ZNF76: variants seen among roughly 807,000 people sequenced by gnomAD.
ZNF76 encodes zinc finger protein 76.
In ZNF76, 66 loss-of-function variants were observed where a neutral mutation model predicts 66.9. The observed-to-expected ratio is 0.99, with a 90% CI of 0.81 to 1.21. The LOEUF (loss-of-function observed/expected upper bound fraction) is 1.21, where lower values mean the gene tolerates loss of function less well. Among genes scored for constraint, ZNF76 ranks in the 50% most tolerant of loss-of-function variants. ZNF76 has a pLI of 0.00. For missense variants in ZNF76, 729 were observed against 760.3 expected, an observed-to-expected ratio of 0.96 and a Z score of 0.48; for synonymous variants, 275 against 296.1, an observed-to-expected ratio of 0.93 and a Z score of 0.73.
Position 35,266,824 on chromosome 6 carries a change from C to T in ZNF76, c.-97+6983C>T, listed in dbSNP as rs1393188980. Among the ~76,000 whole-genome samples the T allele has an allele frequency of 2.4e-4, 19 of 79,838 alleles. No individual in the cohort carries two copies. In the East Asian group the frequency reaches 4.7e-3, roughly 20 times the overall value. 52.4% of individuals were successfully genotyped at this position (79,838 alleles called of 152,430 possible). A position where few individuals can be genotyped will look rare whatever the true frequency, so the allele number is the denominator to read the frequency against. On this transcript the variant is annotated intron_variant, in intron 1 of 13. Transcript: ENST00000373953. ...TTTTTTTTTTTTTTTTTTTTTGAGA[C>T]GGAGTCTCGCTCGTCACCCAGGCTG...
chr6:35,284,836 G>A (rs1186332290), intron 2 of ZNF76, among the ~76,000 whole-genome samples: 2 of 151,944 alleles, frequency 1.3e-5, no homozygotes, highest in East Asian at 1.9e-4. Flanking sequence ...TCAGCCTCCC[G>A]AGTAACTGGG....
In ZNF76 at chr6:35,292,765, CTA is replaced by C. The variant is rs771529226; in HGVS notation, c.1145_1146del (p.Tyr382Ter). On this transcript the variant is annotated frameshift_variant, in exon 10 of 14. Coordinates refer to ENST00000373953, the MANE Select transcript of ZNF76 (RefSeq NM_003427.5). LOFTEE classifies it high-confidence loss of function. This position sits in a 1 kb window ranked among gnomAD's most constrained non-coding sequence, Gnocchi z 4.7. The stretch of plus-strand genomic sequence containing the variant: ...CCACGGAGGAGAGCGAGCAGGCCCT[CTA>C]TGAGCAGCAGCAACTTGAGGGTAAG... ...EATEESEQAL[Y>X]EQQQLEAASA... 1.9e-6 allele frequency: 3 copies of C among 1,614,032 alleles called. No individual in the cohort carries two copies. Among genetic ancestry groups the C allele is most frequent in the Non-Finnish European group, 2.5e-6 (3 of 1,179,966 alleles).
chr6:35,290,527 C>T (rs1034520893), intron 6 of ZNF76, 114 bp from the exon 7 acceptor site: 12 of 1,511,510 alleles, frequency 7.9e-6, no homozygotes, highest in Middle Eastern at 1.7e-4. Context: ...CAGCACAGAG[C>T]GCTTGACACA....
At chr6:35,276,247 GC>G (rs1252046114) in intron 1 of ZNF76, among the ~76,000 whole-genome samples, 1 of 152,138 alleles carries the variant, frequency 6.6e-6, no homozygotes, top group Non-Finnish European at 1.5e-5. Context: ...GGTAATTTGG[GC>G]CAGCATTTCA....
Position 35,291,365 on chromosome 6 carries a change from C to A in ZNF76, c.713C>A (p.Thr238Asn). The A allele has an allele frequency of 6.2e-7, 1 of 1,614,156 alleles. No homozygotes were observed. Among genetic ancestry groups the A allele is most frequent in the African/African-American group, 1.3e-5 (1 of 75,060 alleles). The change falls in exon 8 of 14, where the codon ACC (threonine) becomes AAC (asparagine). Residue 238 changes from threonine to asparagine, a missense_variant. Physicochemically the swap from Thr to Asn is moderately conservative, Grantham distance 65 (BLOSUM62 0). Transcript: ENST00000373953. Reference protein sequence around the residue: ...PEELCSKAFKTSGDLQKHVRT... With the variant: ...PEELCSKAFKNSGDLQKHVRT... ...GAGCTGTGCAGCAAGGCCTTCAAGA[C>A]CTCAGGAGACCTGCAGAAGCATGTC... is the stretch of plus-strand genomic sequence containing the variant.
At chr6:35,280,323 T>C (rs1788573984) in intron 1 of ZNF76, among the ~76,000 whole-genome samples, 1 of 152,122 alleles carries the variant, frequency 6.6e-6, no homozygotes, top group Non-Finnish European at 1.5e-5. Context: ...ATGGAGCCAC[T>C]GCACTCCAGC....
intron 13 of ZNF76, 40 bp from the exon 14 acceptor site, chr6:35,295,104 G>A: frequency 6.7e-7 from 1 of 1,498,116 alleles, no homozygotes; most frequent in Non-Finnish European, 9.2e-7. Flanking sequence ...AGCAGGGAGG[G>A]TCTCACTGTC....
intron 5 of ZNF76, among the ~76,000 whole-genome samples, chr6:35,289,442 C>A (rs781398874): frequency 1.7e-4 from 26 of 152,182 alleles, no homozygotes; most frequent in Non-Finnish European, 3.4e-4. Flanking sequence ...ACCCCTCTGT[C>A]CCCTGCTCAC....
intron 1 of ZNF76, among the ~76,000 whole-genome samples, chr6:35,261,883 CT>C (rs1581998433): frequency 6.6e-6 from 1 of 152,126 alleles, no homozygotes; most frequent in East Asian, 1.9e-4. Context: ...CTGTTCATGA[CT>C]TTTGATCTCA....
Position 35,292,322 on chromosome 6 carries a change from C to T in ZNF76, c.932-232C>T, listed in dbSNP as rs946713255. ...GCCCCTTCACTAGCCCCAGCCTTGC[C>T]CTGTCCCCCGTTTCCTTTCCGCCTT... On this transcript the variant is annotated intron_variant, in intron 9 of 13. Transcript: ENST00000373953. The surrounding 1 kb of genome is among the most constrained non-coding windows in gnomAD (Gnocchi z 4.7). 2 of 582,492 alleles carry T rather than the reference C, an allele frequency of 3.4e-6. No homozygotes were observed. Among genetic ancestry groups the T allele is most frequent in the African/African-American group, 3.7e-5 (2 of 53,584 alleles). The allele number at this position is 582,492 out of a possible 1,614,324, so 36.1% of individuals were successfully genotyped here.
rs1171435394 is a variant in ZNF76 at position 35,294,548 on chromosome 6, C to T, written c.1587C>T (p.Asn529=). 3.7e-6 allele frequency: 6 copies of T among 1,613,368 alleles called. No individual in the cohort carries two copies. The highest frequency in any genetic ancestry group is 3.3e-5 in the South Asian group (3 of 91,066). ...HQQVALLATA[N]GTHIAVQLEE... is the part of the protein sequence containing the mutation. ...AGGTGGCACTGTTGGCCACAGCCAA[C>T]GGAACGCACATTGCAGTGCAGGTGA... The change falls in exon 13 of 14, where the codon AAC becomes AAT. Residue 529 remains asparagine, a synonymous_variant. Coordinates refer to ENST00000373953, the MANE Select transcript of ZNF76 (RefSeq NM_003427.5).
intron 5 of ZNF76, chr6:35,288,340 G>A (rs1283397660): frequency 8.4e-6 from 3 of 357,406 alleles, no homozygotes; most frequent in Non-Finnish European, 1.7e-5. Flanking sequence ...GAACAGCTGG[G>A]ATTCCTGGAT....
chr6:35,278,019 G>A (rs187539100), intron 1 of ZNF76, among the ~76,000 whole-genome samples: 8 of 152,062 alleles, frequency 5.3e-5, no homozygotes, highest in Non-Finnish European at 1.0e-4. Flanking sequence ...TCCACGCCCG[G>A]CTAATTTTTT....
Position 35,294,572 on chromosome 6 carries a change from G to C in ZNF76, c.1608+3G>C. ...ACGGAACGCACATTGCAGTGCAGGT[G>C]AGTAGAGATCTGGGAGGAAAGGGGA... On this transcript the variant is annotated splice_donor_region_variant and intron_variant, in intron 13 of 13. Coordinates refer to ENST00000373953, the MANE Select transcript of ZNF76 (RefSeq NM_003427.5). The C allele has an allele frequency of 4.4e-6, 7 of 1,605,424 alleles. No individual in the cohort carries two copies. Among genetic ancestry groups the C allele is most frequent in the Non-Finnish European group, 5.1e-6 (6 of 1,172,096 alleles).
At chr6:35,278,049 G>C (rs894370830) in intron 1 of ZNF76, among the ~76,000 whole-genome samples, 1 of 152,070 alleles carries the variant, frequency 6.6e-6, no homozygotes, top group African/African-American at 2.4e-5. Context: ...GTAGAGACAG[G>C]GTTTCACCCT....
At chr6:35,261,308 T>C (rs952655951) in intron 1 of ZNF76, among the ~76,000 whole-genome samples, 1 of 152,232 alleles carries the variant, frequency 6.6e-6, no homozygotes, top group Non-Finnish European at 1.5e-5. Flanking sequence ...ATTATGTTGC[T>C]ACTACTGACA....
chr6:35,275,128 G>A (rs748770524), intron 1 of ZNF76, among the ~76,000 whole-genome samples: 5 of 151,844 alleles, frequency 3.3e-5, no homozygotes, highest in Admixed American at 6.6e-5. Flanking sequence ...GCACTCCAGC[G>A]TGGGCGTGAG....
chr6:35,262,928 C>T (rs1785464040), intron 1 of ZNF76, among the ~76,000 whole-genome samples: 1 of 152,136 alleles, frequency 6.6e-6, no homozygotes, highest in Non-Finnish European at 1.5e-5. Context: ...CACAGGGCCT[C>T]CTCTTCCTGC....
chr6:35,262,452 C>T (rs1039343776), intron 1 of ZNF76, among the ~76,000 whole-genome samples: 12 of 152,174 alleles, frequency 7.9e-5, no homozygotes, highest in South Asian at 2.1e-4. Context: ...CCAAATATCT[C>T]TTGTTCTATG....
Sources: gnomAD v4.1 joint callset for allele counts (sites outside exome capture counted in the v4.1 genomes callset) on GRCh38, gnomAD v4.1.1 for gene constraint, Gnocchi (gnomAD v3.1) non-coding constraint, MANE v1.5 for transcripts, NCBI Gene and HGNC (gene_info 2026-07-23, HGNC 2026-07-21) for gene names.